The following TYW3 variants were observed in gnomAD, a reference collection of about 807,000 sequenced individuals.
TYW3 encodes the protein tRNA-yW synthesizing protein 3 homolog, also known as tRNA wybutosine-synthesizing protein 3 homolog.
TYW3 carries 26 observed loss-of-function variants against 23.1 expected under a neutral mutation model. The ratio of observed to expected loss-of-function variants is 1.13; its 90% CI spans 0.83 to 1.56. The LOEUF (loss-of-function observed/expected upper bound fraction) is 1.56, where lower values mean the gene tolerates loss of function less well. Among genes scored for constraint, TYW3 ranks in the 40% most tolerant of loss-of-function variants. TYW3 has a pLI of 0.00. For missense variants in TYW3, 316 were observed against 311.9 expected (o/e 1.01, Z -0.10); for synonymous variants, 102 against 105.7 (o/e 0.97, Z 0.21).
chr1:74,736,461 GC>G, intron 1 of TYW3, 80 bp from the exon 2 acceptor site: 1 of 930,824 alleles, frequency 1.1e-6, no homozygotes, highest in Non-Finnish European at 1.5e-6. Flanking sequence ...ATTTAAGAAA[GC>G]CTACAATATA....
chr1:74,735,854 A>G (rs925641085), intron 1 of TYW3, among the ~76,000 whole-genome samples: 1 of 152,256 alleles, frequency 6.6e-6, no homozygotes, highest in Non-Finnish European at 1.5e-5. Context: ...TACTTTGAGT[A>G]TAGTGATTTC....
intron 3 of TYW3, among the ~76,000 whole-genome samples, chr1:74,745,632 G>A (rs376500305): frequency 6.6e-6 from 1 of 152,208 alleles, no homozygotes. Flanking sequence ...AGTCCAGCTG[G>A]CCTCACCTCT....
At chr1:74,738,247 A>G (rs1648221657) in intron 2 of TYW3, among the ~76,000 whole-genome samples, 3 of 152,210 alleles carry the variant, frequency 2.0e-5, no homozygotes, top group African/African-American at 7.2e-5. Flanking sequence ...GCTGCTGGTA[A>G]GCACTGGTGC....
At chr1:74,742,575 C>G (rs973517815) in intron 3 of TYW3, among the ~76,000 whole-genome samples, 10 of 152,144 alleles carry the variant, frequency 6.6e-5, no homozygotes, top group Admixed American at 4.6e-4. Flanking sequence ...GCAATTTTAG[C>G]CTCAGCATCT....
At position 74,762,922 on chromosome 1, in the gene TYW3, A is replaced by G. The variant is rs747221715; in HGVS notation, c.561-972A>G. The stretch of plus-strand genomic sequence containing the variant: ...TTTCAGAGAGCCTACAGTTTATTGT[A>G]TCACAAAACTAACACTAAAACTCCA... On this transcript the variant is annotated intron_variant, in intron 5 of 5. Transcript: ENST00000370867. Among the ~76,000 whole-genome samples the G allele has an allele frequency of 5.3e-5, 8 of 152,324 alleles. No individual in the cohort carries two copies. In the East Asian group the frequency reaches 1.2e-3, roughly 22 times the overall value.
At chr1:74,738,105 G>C (rs560809435) in intron 2 of TYW3, among the ~76,000 whole-genome samples, 1 of 137,458 alleles carries the variant, frequency 7.3e-6, no homozygotes, top group South Asian at 2.7e-4. Context: ...CAAGTGAACA[G>C]GGAAAAAAAA....
intron 3 of TYW3, among the ~76,000 whole-genome samples, 159 bp downstream of exon 3, chr1:74,738,947 AG>A (rs1400159370): frequency 6.6e-6 from 1 of 152,192 alleles, no homozygotes; most frequent in Non-Finnish European, 1.5e-5. Flanking sequence ...TTTTAATATT[AG>A]AAAAAAAGAG....
At chr1:74,736,782 T>C (rs1424480679) in intron 2 of TYW3, among the ~76,000 whole-genome samples, 160 bp downstream of exon 2, 1 of 152,234 alleles carries the variant, frequency 6.6e-6, no homozygotes, top group Non-Finnish European at 1.5e-5. Context: ...CTTTTTGGGT[T>C]GTAGGAGATA....
rs1557752611 is a variant in TYW3 at position 74,764,113 on chromosome 1, A to G, written c.780A>G (p.Ter260=). The change falls in exon 6 of 6, where the codon TAA becomes TAG. Residue 260 remains the stop codon, a stop_retained_variant. Coordinates refer to ENST00000370867, the MANE Select transcript of TYW3 (RefSeq NM_138467.3). ...TTACCATCTTCCCTGAAGATTACTA[A>G]GCTTTGGTTCTGATGTGTCTTGGCC... The part of the protein sequence containing the change: ...INVTIFPEDY[*] The G allele has an allele frequency of 2.5e-6, 4 of 1,606,834 alleles. No individual in the cohort carries two copies. Among genetic ancestry groups the G allele is most frequent in the Non-Finnish European group, 3.4e-6 (4 of 1,177,584 alleles).
At chr1:74,749,116 TCA>T (rs1386257604) in intron 4 of TYW3, among the ~76,000 whole-genome samples, 1 of 152,042 alleles carries the variant, frequency 6.6e-6, no homozygotes, top group African/African-American at 2.4e-5. Context: ...ATGGAAAGAG[TCA>T]CAGAGAGAGT....
rs1452437676 is a variant in TYW3, at chr1:74,736,713, T to C, written c.255+91T>C. The C allele has an allele frequency of 2.7e-5, 27 of 994,820 alleles. No individual in the cohort carries two copies. In the East Asian group the frequency reaches 7.0e-4, roughly 26 times the overall value. The allele number at this position is 994,820 out of a possible 1,614,324, so 61.6% of individuals were successfully genotyped here. A position where few individuals can be genotyped will look rare whatever the true frequency, so the allele number is the denominator to read the frequency against. ...AGAATAGAAAATTCAAGGTAATTTA[T>C]ATGCAGAGTTATAATGGCTGAAGAT... is the stretch of plus-strand genomic sequence containing the variant. On this transcript the variant is annotated intron_variant, in intron 2 of 5. Transcript: ENST00000370867.
intron 3 of TYW3, among the ~76,000 whole-genome samples, chr1:74,745,552 G>A (rs1013578463): frequency 5.3e-5 from 8 of 152,074 alleles, no homozygotes; most frequent in Admixed American, 4.6e-4. Flanking sequence ...TTATTACAGA[G>A]TGCTGATTGG....
rs544011113 is a variant in TYW3, at chr1:74,733,248, G to C, written c.4G>C (p.Asp2His). The change falls in exon 1 of 6, where the codon GAT becomes CAT. Residue 2 changes from aspartate to histidine, a missense_variant. By Grantham distance (81) the Asp-to-His change is moderately conservative (BLOSUM62 -1). Transcript: ENST00000370867. M[D>H]RSAEFRKWKA... ...GCAGACCCTGAGTCCGTCACCCATG[G>C]ATCGCAGCGCGGAGTTCAGGAAATG... 3.7e-6 allele frequency: 6 copies of C among 1,614,006 alleles called. No individual in the cohort carries two copies. In the South Asian group the frequency reaches 5.5e-5, roughly 15 times the overall value.
intron 5 of TYW3, among the ~76,000 whole-genome samples, chr1:74,755,804 TAAA>T (rs1282539510): frequency 6.6e-6 from 1 of 152,104 alleles, no homozygotes; most frequent in East Asian, 1.9e-4. Flanking sequence ...GCATGATAGA[TAAA>T]AAAGAAGAGC....
intron 1 of TYW3, among the ~76,000 whole-genome samples, chr1:74,733,909 AT>A (rs1648023996): frequency 6.6e-6 from 1 of 152,184 alleles, no homozygotes; most frequent in South Asian, 2.1e-4. Context: ...GAGCCCCTCC[AT>A]TATTACAACT....
intron 5 of TYW3, among the ~76,000 whole-genome samples, chr1:74,755,666 G>A (rs905011093): frequency 2.0e-5 from 3 of 152,178 alleles, no homozygotes; most frequent in Admixed American, 6.5e-5. Context: ...ACTGCTTTCA[G>A]TTCTGTTGGA....
chr1:74,739,370 C>A (rs1027398606), intron 3 of TYW3, among the ~76,000 whole-genome samples: 1 of 151,924 alleles, frequency 6.6e-6, no homozygotes, highest in Admixed American at 6.6e-5. Flanking sequence ...GGCAAAAAAA[C>A]AAAAAACAAA....
intron 3 of TYW3, 113 bp downstream of exon 3, chr1:74,738,901 G>A (rs944513944): frequency 1.3e-5 from 8 of 597,106 alleles, no homozygotes; most frequent in Non-Finnish European, 2.2e-5. Context: ...AACTAGTTAT[G>A]TATATATTAT....
chr1:74,747,229 G>A (rs982537055), intron 3 of TYW3, among the ~76,000 whole-genome samples: 11 of 152,190 alleles, frequency 7.2e-5, no homozygotes, highest in Non-Finnish European at 1.2e-4. Flanking sequence ...TGAGGTAATC[G>A]TAGAGGTAGA....
Sources: allele counts gnomAD v4.1 joint callset (sites outside exome capture counted in the v4.1 genomes callset), GRCh38; gene constraint gnomAD v4.1.1; transcripts MANE v1.5; gene names NCBI Gene and HGNC (gene_info 2026-07-23, HGNC 2026-07-21).